Variants in CNTNAP2 observed in about 807,000 individuals in gnomAD.
CNTNAP2 encodes contactin-associated protein-like 2.
CNTNAP2 carries 98 observed loss-of-function variants against 155.2 expected under a neutral mutation model. The ratio of observed to expected loss-of-function variants is 0.63; its 90% CI spans 0.54 to 0.75. The LOEUF is 0.75. CNTNAP2 is among the 30% of genes least tolerant of loss of function. The probability of loss-of-function intolerance (pLI) is 0.00; values close to 1 mark genes in which losing one functional copy is unlikely to be tolerated. For missense variants in CNTNAP2, 1,727 were observed against 1,688.1 expected, an observed-to-expected ratio of 1.02 and a Z score of -0.40; for synonymous variants, 651 against 631.2, an observed-to-expected ratio of 1.03 and a Z score of -0.47.
intron 8 of CNTNAP2, among the ~76,000 whole-genome samples, chr7:147,298,530 T>C (rs902848001): frequency 7.2e-5 from 11 of 152,214 alleles, no homozygotes; most frequent in Admixed American, 2.0e-4. Flanking sequence ...ATACTTACTA[T>C]GAGTAACTAC....
intron 13 of CNTNAP2, among the ~76,000 whole-genome samples, chr7:147,754,924 TA>T (rs1051521878): frequency 2.6e-5 from 4 of 152,244 alleles, no homozygotes; most frequent in Non-Finnish European, 5.9e-5. Flanking sequence ...AAAAGTTTTT[TA>T]AAAATCAAAA....
chr7:146,278,989 T>C (rs1040085090), intron 1 of CNTNAP2, among the ~76,000 whole-genome samples: 4 of 152,170 alleles, frequency 2.6e-5, no homozygotes, highest in Non-Finnish European at 5.9e-5. Flanking sequence ...TATAAATGGC[T>C]TCAAAACTCT....
chr7:147,481,662 G>C (rs1798424965), intron 10 of CNTNAP2, among the ~76,000 whole-genome samples: 1 of 152,202 alleles, frequency 6.6e-6, no homozygotes, highest in African/African-American at 2.4e-5. Context: ...CTAAGTATGA[G>C]TTCGATGGAG....
intron 13 of CNTNAP2, among the ~76,000 whole-genome samples, chr7:147,676,415 C>A (rs1004116446): frequency 5.3e-5 from 8 of 151,858 alleles, no homozygotes; most frequent in African/African-American, 1.9e-4. Flanking sequence ...TGTATTTGTT[C>A]ACTATATATA....
chr7:147,693,156 A>G (rs991471784), intron 13 of CNTNAP2, among the ~76,000 whole-genome samples: 1 of 152,060 alleles, frequency 6.6e-6, no homozygotes, highest in South Asian at 2.1e-4. Context: ...TCACTTGGCT[A>G]TATTTACACA....
intron 13 of CNTNAP2, among the ~76,000 whole-genome samples, chr7:147,681,998 G>A (rs1050182700): frequency 6.6e-6 from 1 of 151,792 alleles, no homozygotes; most frequent in Non-Finnish European, 1.5e-5. Flanking sequence ...GATAGGAAAT[G>A]TTACTGAAGA....
chr7:146,675,075 G>A (rs1800374506), intron 1 of CNTNAP2, among the ~76,000 whole-genome samples: 2 of 152,082 alleles, frequency 1.3e-5, no homozygotes, highest in Middle Eastern at 3.2e-3. Context: ...CAAGACTGTG[G>A]CTGTTGGCAG....
At chr7:146,459,796 C>A (rs755625424) in intron 1 of CNTNAP2, among the ~76,000 whole-genome samples, 1 of 151,992 alleles carries the variant, frequency 6.6e-6, no homozygotes, top group Non-Finnish European at 1.5e-5. Flanking sequence ...CATGGTGAAA[C>A]CCCATCTCTA....
chr7:147,056,653 G>C (rs1241354078), intron 4 of CNTNAP2, among the ~76,000 whole-genome samples: 2 of 152,288 alleles, frequency 1.3e-5, no homozygotes. Context: ...ACAAAAGCAA[G>C]GTTAGTAATT....
rs112743622 is a variant in CNTNAP2, at chr7:148,295,641, G to A, written c.3475+28515G>A. On this transcript the variant is annotated intron_variant, in intron 21 of 23. Coordinates refer to ENST00000361727, the MANE Select transcript of CNTNAP2 (RefSeq NM_014141.6). ...CGAGTAGCTGGGACTACCGGTGCCC[G>A]CCACCGCGCCTGGCTAATTTTTTGT... Among the ~76,000 whole-genome samples, 198 of 138,034 alleles carry A rather than the reference G, an allele frequency of 1.4e-3. 4 individuals carry two copies. The highest frequency in any genetic ancestry group is 5.1e-3 in the African/African-American group (178 of 34,668). 90.6% of individuals were successfully genotyped at this position (138,034 alleles called of 152,430 possible).
chr7:147,511,094 T>C (rs1203072436), intron 11 of CNTNAP2, among the ~76,000 whole-genome samples: 1 of 151,840 alleles, frequency 6.6e-6, no homozygotes, highest in East Asian at 1.9e-4. Flanking sequence ...CATATATATA[T>C]GTGAGGAAGC....
rs71188964 is a variant in CNTNAP2, at chr7:148,305,053, C to CAA, written c.3475+37942_3475+37943dup. Among the ~76,000 whole-genome samples the CAA allele has an allele frequency of 1.6e-3, 179 of 109,728 alleles. 2 individuals carry two copies. The South Asian group carries it at 0.024, about 14-fold the overall frequency. The allele number at this position is 109,728 out of a possible 152,430, so 72.0% of individuals were successfully genotyped here. ...AACATAGTGTGAGATCCTGTCTCTA[C>CAA]AAAAAAAAAAAAAAAAGACATTAAC... is the stretch of plus-strand genomic sequence containing the variant. On this transcript the variant is annotated intron_variant, in intron 21 of 23. Coordinates refer to ENST00000361727, the MANE Select transcript of CNTNAP2 (RefSeq NM_014141.6).
intron 1 of CNTNAP2, among the ~76,000 whole-genome samples, chr7:146,297,947 A>G (rs942951212): frequency 6.6e-6 from 1 of 152,112 alleles, no homozygotes; most frequent in Non-Finnish European, 1.5e-5. Context: ...TAGCACAAAT[A>G]TGTGTATTTT....
chr7:148,379,643 G>GTT (rs1301745296), intron 21 of CNTNAP2, among the ~76,000 whole-genome samples: 2 of 152,320 alleles, frequency 1.3e-5, no homozygotes, highest in African/African-American at 4.8e-5. Flanking sequence ...AGCCCGGGAG[G>GTT]TTGAGGCTGC....
chr7:147,009,592 G>A (rs1798588730), intron 3 of CNTNAP2, among the ~76,000 whole-genome samples: 1 of 152,100 alleles, frequency 6.6e-6, no homozygotes, highest in African/African-American at 2.4e-5. Context: ...TCAATTGAAT[G>A]AAAGGAAATA....
At chr7:147,627,401 A>G (rs946365467) in intron 12 of CNTNAP2, among the ~76,000 whole-genome samples, 1 of 152,130 alleles carries the variant, frequency 6.6e-6, no homozygotes, top group Non-Finnish European at 1.5e-5. Flanking sequence ...AACAAACTTA[A>G]AGATATTAAA....
chr7:146,405,498 A>T lies in CNTNAP2; in HGVS notation c.97+288525A>T, dbSNP rs538821387. 3.3e-5 allele frequency among the ~76,000 whole-genome samples: 5 copies of T among 152,286 alleles called. No individual in the cohort carries two copies. In the East Asian group the frequency reaches 9.7e-4, roughly 29 times the overall value. On this transcript the variant is annotated intron_variant, in intron 1 of 23. Coordinates refer to ENST00000361727, the MANE Select transcript of CNTNAP2 (RefSeq NM_014141.6). The stretch of plus-strand genomic sequence containing the variant: ...TTCATTTGATGTGATCTGAAAATAA[A>T]TTTTTCTGAGATATATAAGGGCCAT...
At chr7:146,568,454 A>G (rs773725959) in intron 1 of CNTNAP2, among the ~76,000 whole-genome samples, 4 of 152,216 alleles carry the variant, frequency 2.6e-5, no homozygotes, top group Non-Finnish European at 5.9e-5. Flanking sequence ...TACTGATCGT[A>G]TAGGATTATC....
At chr7:146,490,997 A>G (rs1407699532) in intron 1 of CNTNAP2, among the ~76,000 whole-genome samples, 3 of 152,190 alleles carry the variant, frequency 2.0e-5, no homozygotes, top group Non-Finnish European at 2.9e-5. Flanking sequence ...TTTATCTATA[A>G]ATATGCTTTT....
Sources: allele counts gnomAD v4.1 joint callset (sites outside exome capture counted in the v4.1 genomes callset), GRCh38; gene constraint gnomAD v4.1.1; transcripts MANE v1.5; gene names NCBI Gene and HGNC (gene_info 2026-07-23, HGNC 2026-07-21).